The following SYNDIG1L variants were observed in gnomAD, a reference collection of about 807,000 sequenced individuals.
The protein encoded by SYNDIG1L is synapse differentiation inducing 1 like, also known as synapse differentiation-inducing gene protein 1-like.
SYNDIG1L carries 13 observed loss-of-function variants against 20.1 expected under a neutral mutation model. The ratio of observed to expected loss-of-function variants is 0.65; its 90% CI spans 0.42 to 1.03. The LOEUF (loss-of-function observed/expected upper bound fraction) is 1.03. Among genes scored for constraint, SYNDIG1L ranks in the 50% least tolerant of loss-of-function variants. The probability of loss-of-function intolerance (pLI) is 0.00; values close to 1 mark genes in which losing one functional copy is unlikely to be tolerated. For missense variants in SYNDIG1L, 294 were observed against 305.1 expected, an observed-to-expected ratio of 0.96 and a Z score of 0.27; for synonymous variants, 128 against 129.3, an observed-to-expected ratio of 0.99 and a Z score of 0.07.
intron 1 of SYNDIG1L, among the ~76,000 whole-genome samples, chr14:74,413,776 T>TCACACACA (rs3047686): frequency 6.7e-6 from 1 of 150,038 alleles, no homozygotes; most frequent in East Asian, 2.0e-4. Flanking sequence ...ACATATACAC[T>TCACACACA]CACACACACA....
the SYNDIG1L span, among the ~76,000 whole-genome samples, chr14:74,468,464 T>A: frequency 6.6e-6 from 1 of 152,050 alleles, no homozygotes; most frequent in African/African-American, 2.4e-5. Flanking sequence ...CTACCTCCCT[T>A]CTCGGGGACA....
the SYNDIG1L span, among the ~76,000 whole-genome samples, chr14:74,451,984 TAAAAAAAAAAA>T: frequency 5.6e-3 from 367 of 65,300 alleles, 2 homozygotes; most frequent in African/African-American, 0.023. Context: ...AGACTTTGTC[TAAAAAAAAAAA>T]AAAAAAAAAA....
At chr14:74,414,995 T>C (rs527394895) in intron 1 of SYNDIG1L, among the ~76,000 whole-genome samples, 10 of 152,316 alleles carry the variant, frequency 6.6e-5, no homozygotes, top group African/African-American at 2.4e-4. Flanking sequence ...ACACTGCGTT[T>C]CCCTTTGAGA....
upstream of SYNDIG1L, among the ~76,000 whole-genome samples, chr14:74,429,565 G>C (rs2086289062): frequency 6.6e-6 from 1 of 152,236 alleles, no homozygotes; most frequent in Non-Finnish European, 1.5e-5. Context: ...AAGAGGACAG[G>C]TGAGCCCCAC....
At chr14:74,476,000 G>GT in the SYNDIG1L span, among the ~76,000 whole-genome samples, 2 of 152,176 alleles carry the variant, frequency 1.3e-5, no homozygotes, top group African/African-American at 4.8e-5. Flanking sequence ...CTTCTGGGAT[G>GT]TTTTCTCTTT....
the SYNDIG1L span, chr14:74,471,900 A>G: frequency 6.6e-6 from 1 of 152,326 alleles, no homozygotes; most frequent in East Asian, 1.9e-4. Flanking sequence ...CTGAAGTCAT[A>G]GCGTTAACAT....
chr14:74,439,815 G>A, the SYNDIG1L span, among the ~76,000 whole-genome samples: 1 of 150,294 alleles, frequency 6.7e-6, no homozygotes, highest in Admixed American at 6.7e-5. Context: ...GGAGGCAGAG[G>A]TTGTGGTGAG....
In SYNDIG1L at chr14:74,409,791, G is replaced by A. The variant is rs757240145; in HGVS notation, c.-47C>T. The A allele has an allele frequency of 2.6e-5, 37 of 1,412,028 alleles. No individual in the cohort carries two copies. In the South Asian group the frequency reaches 7.1e-4, roughly 27 times the overall value. 87.5% of individuals were successfully genotyped at this position (1,412,028 alleles called of 1,614,324 possible). A position where few individuals can be genotyped will look rare whatever the true frequency, so the allele number is the denominator to read the frequency against. ...GAGGGGGGCCTGGGCCAGCTGAGCA[G>A]TCCTCAGAGCCTGTCAGAAGAGCAA... On this transcript the variant is annotated 5_prime_UTR_variant, in exon 2 of 4. Transcript: ENST00000331628.
the SYNDIG1L span, among the ~76,000 whole-genome samples, chr14:74,434,485 G>A: frequency 1.3e-5 from 2 of 152,020 alleles, no homozygotes. Context: ...AAAAAGCAGT[G>A]GGGAGGATGC....
At chr14:74,445,427 G>T in the SYNDIG1L span, among the ~76,000 whole-genome samples, 1 of 151,632 alleles carries the variant, frequency 6.6e-6, no homozygotes, top group African/African-American at 2.4e-5. Flanking sequence ...TTAGCATATT[G>T]CAAGCTTCCT....
At chr14:74,415,732 G>A (rs1212301208) in intron 1 of SYNDIG1L, among the ~76,000 whole-genome samples, 1 of 151,918 alleles carries the variant, frequency 6.6e-6, no homozygotes, top group African/African-American at 2.4e-5. Flanking sequence ...GTAGAAACAG[G>A]GTTTTGCCAT....
chr14:74,408,523 C>A (rs555741177), intron 2 of SYNDIG1L, among the ~76,000 whole-genome samples: 81 of 149,490 alleles, frequency 5.4e-4, no homozygotes, highest in African/African-American at 1.9e-3. Context: ...GAGATCGCAC[C>A]TTTGCACTCC....
chr14:74,413,317 G>T (rs1180564644), intron 1 of SYNDIG1L, among the ~76,000 whole-genome samples: 1 of 152,156 alleles, frequency 6.6e-6, no homozygotes, highest in African/African-American at 2.4e-5. Flanking sequence ...CATGGTCCTG[G>T]CTTTACACAA....
upstream of SYNDIG1L, among the ~76,000 whole-genome samples, chr14:74,426,744 C>G (rs1004764157): frequency 8.8e-5 from 13 of 147,720 alleles, no homozygotes; most frequent in South Asian, 1.3e-3. Context: ...TCCCCCTTCC[C>G]CCTCCAATTT....
the SYNDIG1L span, among the ~76,000 whole-genome samples, chr14:74,449,575 G>A: frequency 1.6e-4 from 23 of 145,364 alleles, no homozygotes; most frequent in African/African-American, 5.9e-4. Flanking sequence ...TTGTGCCACT[G>A]TATTTTAGCC....
the SYNDIG1L span, among the ~76,000 whole-genome samples, chr14:74,444,524 G>T: frequency 1.3e-5 from 2 of 151,932 alleles, no homozygotes; most frequent in African/African-American, 4.8e-5. Flanking sequence ...GCCGAGATGG[G>T]CAGATTGCTT....
upstream of SYNDIG1L, among the ~76,000 whole-genome samples, chr14:74,430,328 G>A (rs1358850436): frequency 6.6e-6 from 1 of 152,202 alleles, no homozygotes; most frequent in East Asian, 1.9e-4. Flanking sequence ...GAGCGTATAT[G>A]TGTGAGAGGT....
chr14:74,408,517 TCG>T (rs1427718375), intron 2 of SYNDIG1L, among the ~76,000 whole-genome samples: 1 of 143,914 alleles, frequency 6.9e-6, no homozygotes, highest in Non-Finnish European at 1.5e-5. Context: ...TGAGCTGAGA[TCG>T]CACCTTTGCA....
chr14:74,468,134 A>G, the SYNDIG1L span, among the ~76,000 whole-genome samples: 1 of 152,068 alleles, frequency 6.6e-6, no homozygotes, highest in Non-Finnish European at 1.5e-5. Context: ...GGGTGTGACT[A>G]GACCTTGGGA....
Sources: allele counts gnomAD v4.1 joint callset (sites outside exome capture counted in the v4.1 genomes callset), GRCh38; gene constraint gnomAD v4.1.1; transcripts MANE v1.5; gene names NCBI Gene and HGNC (gene_info 2026-07-23, HGNC 2026-07-21).